Variants in EPHA5 observed in about 807,000 individuals in gnomAD.
EPHA5 encodes EPH receptor A5.
EPHA5 carries 60 observed loss-of-function variants against 105.0 expected under a neutral mutation model. That is an observed-to-expected ratio of 0.57 (90% confidence interval 0.46 to 0.71). EPHA5 has a LOEUF of 0.71. Among genes scored for constraint, EPHA5 ranks in the 30% least tolerant of loss-of-function variants. The probability of loss-of-function intolerance (pLI) is 0.00; values close to 1 mark genes in which losing one functional copy is unlikely to be tolerated. For missense variants in EPHA5, 1,218 were observed against 1,274.7 expected (o/e 0.96, Z 0.68); for synonymous variants, 513 against 449.1 (o/e 1.14, Z -1.80).
chr4:65,379,619 A>G (rs1176609778), intron 8 of EPHA5, among the ~76,000 whole-genome samples: 4 of 151,662 alleles, frequency 2.6e-5, no homozygotes, highest in African/African-American at 4.8e-5. Flanking sequence ...ATTTTGGAGG[A>G]AAAGTGTTAG....
intron 3 of EPHA5, among the ~76,000 whole-genome samples, chr4:65,572,190 C>T (rs771507154): frequency 6.6e-6 from 1 of 151,868 alleles, no homozygotes; most frequent in Non-Finnish European, 1.5e-5. Context: ...TTAAATGAGT[C>T]ATTTTCTCAT....
At chr4:65,539,422 G>A (rs1736607496) in intron 3 of EPHA5, among the ~76,000 whole-genome samples, 1 of 151,624 alleles carries the variant, frequency 6.6e-6, no homozygotes, top group Admixed American at 6.6e-5. Context: ...AGAATGTCTA[G>A]GTGTGACAAA....
chr4:65,649,098 T>C (rs967596600), intron 1 of EPHA5, among the ~76,000 whole-genome samples: 4 of 152,228 alleles, frequency 2.6e-5, no homozygotes, highest in African/African-American at 9.6e-5. Context: ...TTTACAATTC[T>C]GAGCAATCCA....
chr4:65,454,291 A>AAT (rs1553918839), intron 5 of EPHA5, among the ~76,000 whole-genome samples: 4,736 of 149,884 alleles, frequency 0.032, 75 homozygotes, highest in Non-Finnish European at 0.044. Flanking sequence ...TAATAATAAT[A>AAT]AATAATAATA....
intron 5 of EPHA5, among the ~76,000 whole-genome samples, chr4:65,473,720 C>T (rs1013050305): frequency 6.6e-6 from 1 of 151,708 alleles, no homozygotes; most frequent in East Asian, 1.9e-4. Context: ...CAGATCCAAA[C>T]CATATCACTT....
At chr4:65,409,953 T>C (rs568318560) in intron 7 of EPHA5, among the ~76,000 whole-genome samples, 4 of 152,158 alleles carry the variant, frequency 2.6e-5, no homozygotes, top group Non-Finnish European at 5.9e-5. Flanking sequence ...AATCATCCAT[T>C]GCTGGTGGAA....
At chr4:65,665,348 T>C (rs1030026646) in intron 1 of EPHA5, among the ~76,000 whole-genome samples, 1 of 151,970 alleles carries the variant, frequency 6.6e-6, no homozygotes, top group Non-Finnish European at 1.5e-5. Context: ...AACTAAAGCA[T>C]AGTTATTTTC....
In EPHA5 at chr4:65,507,931, C is replaced by G. The variant is rs577649119; in HGVS notation, c.911-12388G>C. Reference sequence around the variant, plus strand: ...AATTAATAGATACCCAAATTCCCCACTCATAGTTTTTTCTCAATATAGGCA... The same window carrying G: ...AATTAATAGATACCCAAATTCCCCAGTCATAGTTTTTTCTCAATATAGGCA... On this transcript the variant is annotated intron_variant, in intron 3 of 16. Transcript: ENST00000613740. Among the ~76,000 whole-genome samples the G allele has an allele frequency of 2.1e-3, 313 of 152,148 alleles. 1 individual carries two copies. Among genetic ancestry groups the G allele is most frequent in the African/African-American group, 7.0e-3 (289 of 41,532 alleles).
At chr4:65,632,811 C>A (rs919276102) in intron 2 of EPHA5, among the ~76,000 whole-genome samples, 3 of 151,898 alleles carry the variant, frequency 2.0e-5, no homozygotes, top group African/African-American at 7.3e-5. Flanking sequence ...ATCCACACTT[C>A]TGGGTGGTAA....
At chr4:65,544,340 T>A (rs1737157115) in intron 3 of EPHA5, among the ~76,000 whole-genome samples, 1 of 152,042 alleles carries the variant, frequency 6.6e-6, no homozygotes, top group African/African-American at 2.4e-5. Context: ...GACAAAGGTC[T>A]AATATCCAGG....
At chr4:65,494,276 A>T (rs1326409346) in intron 4 of EPHA5, among the ~76,000 whole-genome samples, 1 of 152,230 alleles carries the variant, frequency 6.6e-6, no homozygotes, top group Admixed American at 6.5e-5. Flanking sequence ...TGAAATTCAG[A>T]TAAAATTTCA....
intron 2 of EPHA5, among the ~76,000 whole-genome samples, chr4:65,642,382 T>G (rs181560017): frequency 6.6e-6 from 1 of 152,032 alleles, no homozygotes; most frequent in Non-Finnish European, 1.5e-5. Flanking sequence ...AAAGTATACA[T>G]GTTATCATCT....
At chr4:65,457,775 C>T (rs1318779891) in intron 5 of EPHA5, among the ~76,000 whole-genome samples, 2 of 151,888 alleles carry the variant, frequency 1.3e-5, no homozygotes, top group African/African-American at 4.8e-5. Flanking sequence ...ATGGCTAATG[C>T]TGTTTCTGTT....
At chr4:65,333,836 G>A (rs1454785736) in intron 15 of EPHA5, among the ~76,000 whole-genome samples, 1 of 151,176 alleles carries the variant, frequency 6.6e-6, no homozygotes, top group Non-Finnish European at 1.5e-5. Flanking sequence ...TACGGCCCCA[G>A]GTCCAAGACC....
chr4:65,332,474 G>T (rs77406036), intron 15 of EPHA5, among the ~76,000 whole-genome samples: 1,791 of 151,772 alleles, frequency 0.012, 47 homozygotes, highest in African/African-American at 0.042. Context: ...TAGTATAATG[G>T]TGGACACATT....
At chr4:65,439,356 A>C (rs1041660330) in intron 5 of EPHA5, among the ~76,000 whole-genome samples, 8 of 152,174 alleles carry the variant, frequency 5.3e-5, no homozygotes, top group South Asian at 4.2e-4. Flanking sequence ...TTTGTGTCTA[A>C]TTCCTAACAT....
chr4:65,433,545 C>T (rs1397819397), intron 5 of EPHA5, among the ~76,000 whole-genome samples: 1 of 152,166 alleles, frequency 6.6e-6, no homozygotes, highest in African/African-American at 2.4e-5. Context: ...AGTATCCTAT[C>T]ATATAAATTT....
chr4:65,553,826 A>G (rs1738147625), intron 3 of EPHA5, among the ~76,000 whole-genome samples: 1 of 152,076 alleles, frequency 6.6e-6, no homozygotes, highest in Non-Finnish European at 1.5e-5. Context: ...AAAAATTTAA[A>G]TAACTTATTT....
At chr4:65,666,296 C>G (rs772397164) in intron 1 of EPHA5, among the ~76,000 whole-genome samples, 1 of 152,192 alleles carries the variant, frequency 6.6e-6, no homozygotes, top group Non-Finnish European at 1.5e-5. Flanking sequence ...TGGGACATTA[C>G]TGACTGTAGC....
Sources: gnomAD v4.1 joint callset for allele counts (sites outside exome capture counted in the v4.1 genomes callset) on GRCh38, gnomAD v4.1.1 for gene constraint, MANE v1.5 for transcripts, NCBI Gene and HGNC (gene_info 2026-07-23, HGNC 2026-07-21) for gene names.